The following MIOS variants were observed in gnomAD, a reference collection of about 807,000 sequenced individuals.
MIOS encodes meiosis regulator for oocyte development, also known as GATOR2 complex protein MIOS.
In MIOS, 52 loss-of-function variants were observed where a neutral mutation model predicts 96.9. That is an observed-to-expected ratio of 0.54 (90% CI 0.43 to 0.68). MIOS has a LOEUF of 0.68. MIOS is among the 30% of genes least tolerant of loss of function. The pLI, the probability that MIOS is intolerant of heterozygous loss-of-function variation, is 0.00. For missense variants in MIOS, 1,005 were observed against 1,052.8 expected, an observed-to-expected ratio of 0.95 and a Z score of 0.63; for synonymous variants, 397 against 359.5, an observed-to-expected ratio of 1.10 and a Z score of -1.18.
rs1182332961 is a variant in MIOS at position 7,607,359 on chromosome 7, G to A, written c.*267G>A. On this transcript the variant is annotated 3_prime_UTR_variant, in exon 13 of 13. Coordinates refer to ENST00000340080, the MANE Select transcript of MIOS (RefSeq NM_019005.4). ...ATTTAGAAAAACTTTCTAAGTTTTG[G>A]TTGAAATTATGAACACTCTAGAAGC... 7.7e-6 allele frequency: 2 copies of A among 258,858 alleles called. No individual in the cohort carries two copies. Among genetic ancestry groups the A allele is most frequent in the Non-Finnish European group, 7.2e-6 (1 of 138,024 alleles). 16.0% of individuals were successfully genotyped at this position (258,858 alleles called of 1,614,324 possible).
chr7:7,602,506 C>T, intron 11 of MIOS, among the ~76,000 whole-genome samples: 1 of 152,034 alleles, frequency 6.6e-6, no homozygotes, highest in African/African-American at 2.4e-5. Context: ...ACCTAGGAAT[C>T]CAACTTACAA....
chr7:7,567,997 A>G (rs959778976), intron 2 of MIOS, 29 bp from the exon 3 acceptor site: 2 of 149,082 alleles, frequency 1.3e-5, no homozygotes, highest in African/African-American at 4.9e-5. Flanking sequence ...TTTAAATCAT[A>G]TGGCTCACAC....
downstream of MIOS, among the ~76,000 whole-genome samples, chr7:7,609,081 A>G (rs1314196355): frequency 6.6e-6 from 1 of 152,124 alleles, no homozygotes; most frequent in African/African-American, 2.4e-5. Context: ...AGATGTGTTT[A>G]TTAAAAGTGT....
intron 11 of MIOS, among the ~76,000 whole-genome samples, chr7:7,604,044 T>C (rs1429928350): frequency 2.0e-5 from 3 of 150,192 alleles, no homozygotes; most frequent in African/African-American, 7.4e-5. Flanking sequence ...AAGGGGAACA[T>C]TACACATCGG....
At chr7:7,587,006 T>TGG (rs1449404278) in intron 7 of MIOS, among the ~76,000 whole-genome samples, 1 of 110,672 alleles carries the variant, frequency 9.0e-6, no homozygotes, top group East Asian at 2.6e-4. Flanking sequence ...TTTTTTTTTT[T>TGG]TTGTTGTTGT....
At chr7:7,597,483 T>C (rs1365372980) in intron 11 of MIOS, among the ~76,000 whole-genome samples, 1 of 45,398 alleles carries the variant, frequency 2.2e-5, no homozygotes, top group Admixed American at 2.4e-4. Context: ...TATATATATA[T>C]ATATATATAT....
In MIOS at chr7:7,608,423, A is replaced by T. The variant is rs1784586706; in HGVS notation, c.*1331A>T. On this transcript the variant is annotated 3_prime_UTR_variant, in exon 13 of 13. Coordinates refer to ENST00000340080, the MANE Select transcript of MIOS (RefSeq NM_019005.4). ...TTTGAGGTGTAACCTAAATATTAAAAGTAGATTAAATTTATTTTTTACCTT... is the reference window on the plus strand; with the variant it reads ...TTTGAGGTGTAACCTAAATATTAAATGTAGATTAAATTTATTTTTTACCTT... 1 of 152,134 alleles carries T rather than the reference A, an allele frequency of 6.6e-6. No homozygotes were observed. Among genetic ancestry groups the T allele is most frequent in the South Asian group, 2.1e-4 (1 of 4,838 alleles). 9.4% of individuals were successfully genotyped at this position (152,134 alleles called of 1,614,324 possible).
At chr7:7,598,613 A>G (rs894292504) in intron 11 of MIOS, among the ~76,000 whole-genome samples, 1 of 152,212 alleles carries the variant, frequency 6.6e-6, no homozygotes, top group Non-Finnish European at 1.5e-5. Context: ...AATAAGACAT[A>G]TATGTGTATG....
intron 3 of MIOS, among the ~76,000 whole-genome samples, chr7:7,571,119 C>G (rs751190319): frequency 3.3e-5 from 5 of 152,196 alleles, no homozygotes; most frequent in Non-Finnish European, 7.3e-5. Flanking sequence ...CTTATGAGAA[C>G]TGACAACAGA....
intron 5 of MIOS, among the ~76,000 whole-genome samples, chr7:7,582,445 T>C (rs929318382): frequency 2.0e-5 from 3 of 152,202 alleles, no homozygotes; most frequent in African/African-American, 2.4e-5. Flanking sequence ...ACTGCCTTGA[T>C]TGCAGTATAA....
At chr7:7,606,763 G>A (rs904273586) in intron 12 of MIOS, among the ~76,000 whole-genome samples, 3 of 151,962 alleles carry the variant, frequency 2.0e-5, no homozygotes, top group African/African-American at 2.4e-5. Flanking sequence ...TTTTCCAAAT[G>A]CCATTTTGAA....
intron 7 of MIOS, among the ~76,000 whole-genome samples, chr7:7,587,244 TC>T (rs1275547668): frequency 6.6e-6 from 1 of 152,056 alleles, no homozygotes; most frequent in African/African-American, 2.4e-5. Flanking sequence ...GGTCTCGAAC[TC>T]CTGATCTTGA....
At chr7:7,600,973 T>C (rs1784358726) in intron 11 of MIOS, among the ~76,000 whole-genome samples, 1 of 151,862 alleles carries the variant, frequency 6.6e-6, no homozygotes, top group Non-Finnish European at 1.5e-5. Flanking sequence ...GACTACTGGG[T>C]ACATAACGAA....
chr7:7,588,731 CTAAATT>C (rs1212407015), intron 8 of MIOS, among the ~76,000 whole-genome samples, 168 bp downstream of exon 8: 2 of 151,964 alleles, frequency 1.3e-5, no homozygotes, highest in Non-Finnish European at 2.9e-5. Flanking sequence ...TCTACCATAA[CTAAATT>C]TATTTGTTTA....
chr7:7,567,106 C>T (rs13241387), intron 1 of MIOS, 34 bp downstream of exon 1: 1 of 152,016 alleles, frequency 6.6e-6, no homozygotes, highest in Admixed American at 6.6e-5. Flanking sequence ...CGTCTCGACT[C>T]TCGGGAGCGC....
intron 11 of MIOS, among the ~76,000 whole-genome samples, chr7:7,602,721 C>A (rs1429947203): frequency 2.7e-5 from 4 of 150,796 alleles, no homozygotes; most frequent in African/African-American, 9.7e-5. Context: ...TTGAAAAAAA[C>A]TAAAGTTCAT....
chr7:7,605,553 C>T (rs150376816), intron 11 of MIOS: 15,692 of 158,552 alleles, frequency 0.099, 847 homozygotes, highest in Middle Eastern at 0.22. Flanking sequence ...CCTCAGCCTC[C>T]CAAAGTGCTG....
chr7:7,594,911 G>A (rs1784160268), intron 9 of MIOS, 69 bp from the exon 10 acceptor site: 2 of 1,107,302 alleles, frequency 1.8e-6, no homozygotes, highest in East Asian at 5.9e-5. Flanking sequence ...ATACTTACAT[G>A]CTACCCAGAA....
Position 7,607,113 on chromosome 7 carries a change from A to G in MIOS, c.*21A>G. ...CATAAAATGTTACCACCTTAAGAGA[A>G]CCCTTCAAGTGTGGAGCTTTCTAGT... On this transcript the variant is annotated 3_prime_UTR_variant, in exon 13 of 13. Transcript: ENST00000340080. 1 of 1,582,660 alleles carries G rather than the reference A, an allele frequency of 6.3e-7. No homozygotes were observed. Among genetic ancestry groups the G allele is most frequent in the South Asian group, 1.1e-5 (1 of 88,514 alleles).
Sources: allele counts gnomAD v4.1 joint callset (sites outside exome capture counted in the v4.1 genomes callset), GRCh38; gene constraint gnomAD v4.1.1; transcripts MANE v1.5; gene names NCBI Gene and HGNC (gene_info 2026-07-23, HGNC 2026-07-21).